MTSS1: variants seen among roughly 807,000 people sequenced by gnomAD.
The protein encoded by MTSS1 is protein MTSS 1.
A neutral mutation model predicts 79.0 loss-of-function variants in MTSS1; 18 were observed. The ratio of observed to expected loss-of-function variants is 0.23; its 90% CI spans 0.16 to 0.34. The LOEUF (loss-of-function observed/expected upper bound fraction) is 0.34. MTSS1 is among the 10% of genes least tolerant of loss of function. The pLI is 1.00. For synonymous variants in MTSS1, 341 were observed against 368.6 expected (o/e 0.93, Z 0.86); for missense variants, 815 against 986.2 (o/e 0.83, Z 2.33).
intron 3 of MTSS1, among the ~76,000 whole-genome samples, chr8:124,644,136 A>G (rs1818585404): frequency 6.6e-6 from 1 of 152,214 alleles, no homozygotes; most frequent in African/African-American, 2.4e-5. Flanking sequence ...AGACCTGGGA[A>G]CATGGGCATT....
At chr8:124,623,450 C>T (rs1320591216) in intron 3 of MTSS1, among the ~76,000 whole-genome samples, 2 of 152,188 alleles carry the variant, frequency 1.3e-5, no homozygotes, top group East Asian at 1.9e-4. Context: ...AAATCCAACA[C>T]CTAAAAGAGT....
chr8:124,656,781 C>CAAAAAAAAAAAAAAAAAA (rs59332225), intron 3 of MTSS1, among the ~76,000 whole-genome samples: 1 of 51,658 alleles, frequency 1.9e-5, no homozygotes, highest in African/African-American at 5.7e-5. Flanking sequence ...GACTCCATCT[C>CAAAAAAAAAAAAAAAAAA]AAAAAAAAAA....
At chr8:124,688,396 T>C (rs1369777750) in intron 3 of MTSS1, among the ~76,000 whole-genome samples, 1 of 151,956 alleles carries the variant, frequency 6.6e-6, no homozygotes, top group Non-Finnish European at 1.5e-5. Flanking sequence ...TGTATGTGTA[T>C]ATGTGTATGT....
At chr8:124,626,708 G>T (rs1002629840) in intron 3 of MTSS1, among the ~76,000 whole-genome samples, 1 of 152,056 alleles carries the variant, frequency 6.6e-6, no homozygotes, top group African/African-American at 2.4e-5. Flanking sequence ...GGGGTGGTTA[G>T]AAATGATTAC....
At chr8:124,654,701 G>T (rs113328326) in intron 3 of MTSS1, among the ~76,000 whole-genome samples, 1 of 152,234 alleles carries the variant, frequency 6.6e-6, no homozygotes, top group South Asian at 2.1e-4. Context: ...TCTCAACCAC[G>T]TTACCAACAA....
chr8:124,692,952 A>G (rs1182970094), intron 3 of MTSS1, among the ~76,000 whole-genome samples: 1 of 152,048 alleles, frequency 6.6e-6, no homozygotes, highest in Non-Finnish European at 1.5e-5. Flanking sequence ...TCTGGTGGGG[A>G]AGATAGTGAC....
At chr8:124,720,436 C>A (rs1322167339) in intron 1 of MTSS1, among the ~76,000 whole-genome samples, 2 of 152,208 alleles carry the variant, frequency 1.3e-5, no homozygotes, top group Admixed American at 1.3e-4. Flanking sequence ...AAGGAGGAAA[C>A]TCAAAGGATG....
intron 4 of MTSS1, among the ~76,000 whole-genome samples, chr8:124,590,607 T>C (rs1489036931): frequency 6.6e-6 from 1 of 152,240 alleles, no homozygotes; most frequent in Non-Finnish European, 1.5e-5. Flanking sequence ...TGCTGAATGA[T>C]GCTGATCTGC....
intron 10 of MTSS1, 63 bp from the exon 11 acceptor site, chr8:124,557,938 G>A: frequency 7.6e-7 from 1 of 1,317,088 alleles, no homozygotes. Flanking sequence ...GATGAGTGCG[G>A]AGATACAAAA....
chr8:124,559,115 A>AT lies in MTSS1; in HGVS notation c.1036-1241dup, dbSNP rs1483220364. ...AGACTGTGGGTCCCCAAGGACACGG[A>AT]TTTGTGTGTCTTTTGCTGGGACCCA... On this transcript the variant is annotated intron_variant, in intron 10 of 13. Coordinates refer to ENST00000518547, the MANE Select transcript of MTSS1 (RefSeq NM_014751.6). Among the ~76,000 whole-genome samples, 3 of 152,102 alleles carry AT rather than the reference A, an allele frequency of 2.0e-5. No homozygotes were observed. In the South Asian group the frequency reaches 6.2e-4, roughly 32 times the overall value.
chr8:124,572,743 C>CTTTTTCTTT (rs1828064883), intron 6 of MTSS1, among the ~76,000 whole-genome samples: 1 of 123,668 alleles, frequency 8.1e-6, no homozygotes, highest in Non-Finnish European at 1.7e-5. Flanking sequence ...CTTTTCTTTT[C>CTTTTTCTTT]TTTTTTTTTT....
At chr8:124,726,662 C>G (rs544251679) in intron 1 of MTSS1, among the ~76,000 whole-genome samples, 2 of 152,154 alleles carry the variant, frequency 1.3e-5, no homozygotes, top group Non-Finnish European at 2.9e-5. Flanking sequence ...AGACCATCTC[C>G]GAGGCACGAA....
rs764030470 is a variant in MTSS1, at chr8:124,553,294, C to T, written c.1966G>A (p.Gly656Ser). 2.5e-6 allele frequency: 4 copies of T among 1,614,132 alleles called. No homozygotes were observed. The highest frequency in any genetic ancestry group is 3.4e-6 in the Non-Finnish European group (4 of 1,180,010). ...ESPSVGEGPQ[G>S]VTSMPSSMWS... is the part of the protein sequence containing the mutation. ...ATTGAGGAGGGCATGCTGGTGACAC[C>T]TTGGGGGCCCTCACCCACAGATGGC... Residue 656 changes from glycine to serine, a missense_variant, in exon 14 of 14, where the codon GGT (glycine) becomes AGT (serine). By Grantham distance (56) the Gly-to-Ser change is moderately conservative. Around this residue, in one of 2 missense-constraint regions of MTSS1, gnomAD observed 590 missense variants for 620.8 expected, o/e 0.95. Coordinates refer to ENST00000518547, the MANE Select transcript of MTSS1 (RefSeq NM_014751.6). This position sits in a 1 kb window ranked among gnomAD's most constrained non-coding sequence, Gnocchi z 6.0.
At chr8:124,708,201 T>C (rs562543938) in intron 1 of MTSS1, among the ~76,000 whole-genome samples, 1 of 152,324 alleles carries the variant, frequency 6.6e-6, no homozygotes, top group African/African-American at 2.4e-5. Flanking sequence ...GGCAAGTTAT[T>C]TGACCTCTGC....
At chr8:124,584,734 C>T (rs1830567616) in intron 6 of MTSS1, among the ~76,000 whole-genome samples, 1 of 152,176 alleles carries the variant, frequency 6.6e-6, no homozygotes, top group Non-Finnish European at 1.5e-5. Context: ...GAGAAAATGA[C>T]ATAATTTCTG....
Position 124,589,730 on chromosome 8 carries a change from GA to G in MTSS1, c.294-20del, listed in dbSNP as rs747660827. The G allele has an allele frequency of 3.2e-5, 47 of 1,488,590 alleles. No individual in the cohort carries two copies. Among genetic ancestry groups the G allele is most frequent in the Middle Eastern group, 1.7e-4 (1 of 5,810 alleles). 92.2% of individuals were successfully genotyped at this position (1,488,590 alleles called of 1,614,324 possible). A position where few individuals can be genotyped will look rare whatever the true frequency, so the allele number is the denominator to read the frequency against. On this transcript the variant is annotated intron_variant, in intron 4 of 13. Coordinates refer to ENST00000518547, the MANE Select transcript of MTSS1 (RefSeq NM_014751.6). ...TAAAGCGCTTTTACCAAGCGGGGGG[GA>G]AAAAGGGAGAAATTAAATAGATACA...
Position 124,558,731 on chromosome 8 carries a change from G to A in MTSS1, c.1036-856C>T, listed in dbSNP as rs750434028. ...CGGTCACCTTCTCTGTGGACACCCA[G>A]GCACCCATGGTGGAGCCCGAGCTGA... On this transcript the variant is annotated intron_variant, in intron 10 of 13. Coordinates refer to ENST00000518547, the MANE Select transcript of MTSS1 (RefSeq NM_014751.6). 1.9e-6 allele frequency: 3 copies of A among 1,572,990 alleles called. No individual in the cohort carries two copies. In the South Asian group the frequency reaches 3.5e-5, roughly 18 times the overall value.
intron 3 of MTSS1, among the ~76,000 whole-genome samples, chr8:124,671,161 G>A (rs755475181): frequency 2.0e-4 from 31 of 151,714 alleles, no homozygotes; most frequent in Non-Finnish European, 1.6e-4. Flanking sequence ...ACCATGACAG[G>A]CTAGGCTCCC....
chr8:124,665,313 C>G (rs796156279), intron 3 of MTSS1, among the ~76,000 whole-genome samples: 1 of 152,192 alleles, frequency 6.6e-6, no homozygotes, highest in South Asian at 2.1e-4. Flanking sequence ...TTTTTCTCTT[C>G]GATTCATTCC....
Sources: allele counts gnomAD v4.1 joint callset (sites outside exome capture counted in the v4.1 genomes callset), GRCh38; gene constraint gnomAD v4.1.1; regional missense constraint gnomAD v4.1.1; non-coding constraint Gnocchi (gnomAD v3.1); transcripts MANE v1.5; gene names NCBI Gene and HGNC (gene_info 2026-07-23, HGNC 2026-07-21).